Variants in ENTREP2 observed in about 807,000 individuals in gnomAD.
ENTREP2 encodes the protein endosomal transmembrane epsin interactor 2, also known as protein ENTREP2.
the ENTREP2 span, among the ~76,000 whole-genome samples, chr15:29,169,329 AG>A: frequency 1.1e-3 from 167 of 152,254 alleles, no homozygotes; most frequent in African/African-American, 3.9e-3. Flanking sequence ...GGGAAAAAAA[AG>A]GCTTTGCACA....
chr15:29,210,481 G>A, the ENTREP2 span, among the ~76,000 whole-genome samples: 1 of 152,338 alleles, frequency 6.6e-6, no homozygotes, highest in East Asian at 1.9e-4. Context: ...TCCGCCTCCT[G>A]TCAGATCATC....
chr15:29,140,512 C>G, the ENTREP2 span, among the ~76,000 whole-genome samples: 1 of 152,234 alleles, frequency 6.6e-6, no homozygotes, highest in Non-Finnish European at 1.5e-5. Flanking sequence ...TCACTGAACT[C>G]CATCTGGTTT....
At chr15:29,317,051 T>C in the ENTREP2 span, among the ~76,000 whole-genome samples, 1 of 152,138 alleles carries the variant, frequency 6.6e-6, no homozygotes, top group South Asian at 2.1e-4. Flanking sequence ...AAACATCACA[T>C]CAAAGTAAGA....
At chr15:29,444,218 G>GAAAGAAAGA in the ENTREP2 span, among the ~76,000 whole-genome samples, 3 of 148,138 alleles carry the variant, frequency 2.0e-5, no homozygotes, top group African/African-American at 7.7e-5. Context: ...AAGAAAGAAA[G>GAAAGAAAGA]AAAGAAAGAA....
At chr15:29,268,488 C>G in the ENTREP2 span, 1 of 341,326 alleles carries the variant, frequency 2.9e-6, no homozygotes, top group Non-Finnish European at 5.2e-6. Context: ...CTTATGTGTT[C>G]CTTCTTGCAT....
At chr15:29,521,492 T>C in the ENTREP2 span, among the ~76,000 whole-genome samples, 1 of 152,196 alleles carries the variant, frequency 6.6e-6, no homozygotes, top group African/African-American at 2.4e-5. Flanking sequence ...ATAGAGGATT[T>C]GAATGCCTTG....
the ENTREP2 span, among the ~76,000 whole-genome samples, chr15:29,522,437 C>G: frequency 0.012 from 1,779 of 152,290 alleles, 29 homozygotes; most frequent in African/African-American, 0.041. Context: ...TGAAAATTCT[C>G]TCTTCCATAA....
the ENTREP2 span, among the ~76,000 whole-genome samples, chr15:29,635,780 T>C: frequency 6.6e-6 from 1 of 152,184 alleles, no homozygotes; most frequent in Non-Finnish European, 1.5e-5. Context: ...CTGTGATTTA[T>C]GGGCTTTAAT....
chr15:29,552,230 A>C, the ENTREP2 span, among the ~76,000 whole-genome samples: 1 of 152,182 alleles, frequency 6.6e-6, no homozygotes, highest in Non-Finnish European at 1.5e-5. Context: ...AAACAAAAAA[A>C]CTCGGGAGAC....
At chr15:29,567,998 AAG>A in the ENTREP2 span, among the ~76,000 whole-genome samples, 31 of 152,318 alleles carry the variant, frequency 2.0e-4, 1 homozygote, top group African/African-American at 7.2e-4. Flanking sequence ...CAACCTTGGC[AAG>A]GCAGTTGCAC....
At chr15:29,234,532 T>G in the ENTREP2 span, 1 of 1,377,062 alleles carries the variant, frequency 7.3e-7, no homozygotes, top group East Asian at 2.3e-5. Context: ...AATATGGTAT[T>G]GGTGGGCAAA....
chr15:29,297,600 C>A, the ENTREP2 span, among the ~76,000 whole-genome samples: 1 of 152,156 alleles, frequency 6.6e-6, no homozygotes, highest in Non-Finnish European at 1.5e-5. Context: ...TTGCTAAAAT[C>A]ACAGAGAACA....
At chr15:29,524,080 A>G in the ENTREP2 span, among the ~76,000 whole-genome samples, 2 of 152,202 alleles carry the variant, frequency 1.3e-5, no homozygotes, top group Non-Finnish European at 1.5e-5. Context: ...CCATCAAGAA[A>G]GAAAGACAAT....
chr15:29,473,863 G>A, the ENTREP2 span, among the ~76,000 whole-genome samples: 2 of 152,136 alleles, frequency 1.3e-5, no homozygotes, highest in Non-Finnish European at 2.9e-5. Context: ...TCATGACAAC[G>A]AGGACATCTC....
the ENTREP2 span, among the ~76,000 whole-genome samples, chr15:29,422,397 G>A: frequency 6.6e-6 from 1 of 152,314 alleles, no homozygotes; most frequent in East Asian, 1.9e-4. Context: ...CTGCCTCTCC[G>A]GGGGCTCAGC....
the ENTREP2 span, among the ~76,000 whole-genome samples, chr15:29,217,991 G>A: frequency 2.0e-5 from 3 of 152,132 alleles, 1 homozygote; most frequent in African/African-American, 2.4e-5. Context: ...CTTCCTATGA[G>A]CGGAACTGCA....
the ENTREP2 span, among the ~76,000 whole-genome samples, chr15:29,554,707 T>C: frequency 6.6e-6 from 1 of 152,124 alleles, no homozygotes; most frequent in Non-Finnish European, 1.5e-5. Context: ...GAGAGGCCTC[T>C]TGGAGGAGGT....
At chr15:29,215,495 G>A in the ENTREP2 span, among the ~76,000 whole-genome samples, 2 of 151,718 alleles carry the variant, frequency 1.3e-5, no homozygotes, top group Admixed American at 6.6e-5. Flanking sequence ...ACTTGGACTG[G>A]CTCTCCTTGC....
At chr15:29,413,984 C>A in the ENTREP2 span, among the ~76,000 whole-genome samples, 45 of 152,078 alleles carry the variant, frequency 3.0e-4, no homozygotes, top group Admixed American at 1.5e-3. Context: ...TACAGGAGCA[C>A]CCAGATTCAT....
Sources: allele counts gnomAD v4.1 joint callset (sites outside exome capture counted in the v4.1 genomes callset), GRCh38; gene constraint gnomAD v4.1.1; transcripts MANE v1.5; gene names NCBI Gene and HGNC (gene_info 2026-07-23, HGNC 2026-07-21).